Variants in XIRP1 observed in about 807,000 individuals in gnomAD.
The protein encoded by XIRP1 is xin actin binding repeat containing 1.
For missense variants in XIRP1, 2,378 were observed against 2,345.4 expected (o/e 1.01, Z -0.29); for synonymous variants, 984 against 947.0 (o/e 1.04, Z -0.72).
At chr3:39,192,006 G>T (rs1013531654) in intron 1 of XIRP1, among the ~76,000 whole-genome samples, 2 of 152,228 alleles carry the variant, frequency 1.3e-5, no homozygotes, top group Admixed American at 1.3e-4. Context: ...TAGGCATGGG[G>T]CTTGTTCTAG....
chr3:39,184,905 G>A lies in XIRP1; in HGVS notation c.4541C>T (p.Ala1514Val). 1 of 1,589,874 alleles carries A rather than the reference G, an allele frequency of 6.3e-7. No homozygotes were observed. The highest frequency in any genetic ancestry group is 1.7e-5 in the Admixed American group (1 of 57,698). The change falls in exon 2 of 2, where the codon GCC becomes GTC. Residue 1514 changes from alanine (A) to valine (V), a missense_variant. Ala to Val is a moderately conservative substitution (Grantham distance 64). Transcript: ENST00000340369. The stretch of plus-strand genomic sequence containing the variant: ...CACTGAGGCCTCGGGCTTTTGGTGG[G>A]CAGCAGGAGCCTGAGGAGCAGCCCC... ...LGGAAPQAPA[A>V]HQKPEASVEQ...
At position 39,185,911 on chromosome 3, in the gene XIRP1, G is replaced by A. The variant is rs979897902; in HGVS notation, c.3535C>T (p.Arg1179Cys). The A allele has an allele frequency of 2.5e-5, 40 of 1,613,570 alleles. No individual in the cohort carries two copies. Among genetic ancestry groups the A allele is most frequent in the East Asian group, 6.7e-5 (3 of 44,858 alleles). ...TGACCTGGGCCTCCCTGGAGTGGGC[G>A]GGGAGCCTGGACTGAGAGGGCAGTC... ...RETALSVQAP[R>C]PLQGGPGQST... is the part of the protein sequence containing the mutation. The change falls in exon 2 of 2, where the codon CGC (arginine) becomes TGC (cysteine). Residue 1179 changes from arginine to cysteine, a missense_variant. Physicochemically the swap from Arg to Cys is radical, Grantham distance 180 (BLOSUM62 -3). Coordinates refer to ENST00000340369, the MANE Select transcript of XIRP1 (RefSeq NM_194293.4).
Position 39,185,945 on chromosome 3 carries a change from C to A in XIRP1, c.3501G>T (p.Arg1167Ser). The A allele has an allele frequency of 3.1e-6, 5 of 1,614,050 alleles. No homozygotes were observed. The highest frequency in any genetic ancestry group is 4.2e-6 in the Non-Finnish European group (5 of 1,179,952). The change falls in exon 2 of 2, where the codon AGG becomes AGT. Residue 1167 changes from arginine to serine, a missense_variant. Transcript: ENST00000340369. Reference sequence around the variant, plus strand: ...GGACTGAGAGGGCAGTCTCCCTGTGCCTTGACTGGGGTTCCCTCTGAGAAA... The same window carrying A: ...GGACTGAGAGGGCAGTCTCCCTGTGACTTGACTGGGGTTCCCTCTGAGAAA... ...VQLSQREPQS[R>S]HRETALSVQA...
chr3:39,186,494 A>C lies in XIRP1; in HGVS notation c.2952T>G (p.His984Gln), dbSNP rs201757229. ...AAGGGGTGGCCCCTGAGGCTCTCAGATGCCCCATCCCCATGCTGGGGTCCA... is the reference window on the plus strand; with the variant it reads ...AAGGGGTGGCCCCTGAGGCTCTCAGCTGCCCCATCCCCATGCTGGGGTCCA... ...PPLDPSMGMGHLRASGATPCP... is the reference protein window; with the variant it reads ...PPLDPSMGMGQLRASGATPCP... The change falls in exon 2 of 2, where the codon CAT becomes CAG. Residue 984 changes from histidine (H) to glutamine (Q), a missense_variant. His to Gln is a conservative substitution (Grantham distance 24). Transcript: ENST00000340369. 4 of 1,613,636 alleles carry C rather than the reference A, an allele frequency of 2.5e-6. No individual in the cohort carries two copies. The East Asian group carries it at 8.9e-5, about 36-fold the overall frequency.
Position 39,186,564 on chromosome 3 carries a change from GC to G in XIRP1, c.2881del (p.Ala961ProfsTer25). The G allele has an allele frequency of 1.2e-6, 2 of 1,611,264 alleles. No homozygotes were observed. The highest frequency in any genetic ancestry group is 1.7e-6 in the Non-Finnish European group (2 of 1,178,382). ...GCTCTCAGTTGGGTGCAGGCTCTGG[GC>G]CCCCTCGCTGGCTGGCACTGGACTC... ...DPSPVPASEG[A>X]QSLHPTESII... On this transcript the variant is annotated frameshift_variant, in exon 2 of 2. Transcript: ENST00000340369. LOFTEE classifies it low-confidence loss of function (END_TRUNC).
In XIRP1 at chr3:39,184,957, G is replaced by T; in HGVS notation, c.4489C>A (p.Leu1497Ile). Residue 1497 changes from leucine (L) to isoleucine (I), a missense_variant, in exon 2 of 2, where the codon CTC (leucine) becomes ATC (isoleucine). Coordinates refer to ENST00000340369, the MANE Select transcript of XIRP1 (RefSeq NM_194293.4). ...SSVDVQALRR[L>I]FEAVPQLGGA... ...CCCAGCTGGGGCACGGCCTCAAAGAGCCTCCGCAGGGCCTGCACGTCCACA... is the reference window on the plus strand; with the variant it reads ...CCCAGCTGGGGCACGGCCTCAAAGATCCTCCGCAGGGCCTGCACGTCCACA... The T allele has an allele frequency of 1.3e-6, 2 of 1,549,344 alleles. No homozygotes were observed. The highest frequency in any genetic ancestry group is 2.0e-5 in the Admixed American group (1 of 50,286).
rs1257103439 is a variant in XIRP1 at position 39,187,823 on chromosome 3, T to G, written c.1623A>C (p.Glu541Asp). The G allele has an allele frequency of 6.2e-7, 1 of 1,613,992 alleles. No individual in the cohort carries two copies. The highest frequency in any genetic ancestry group is 1.7e-5 in the Admixed American group (1 of 59,994). Reference protein sequence around the residue: ...IDVVRGITRQEVVAGDVGTAR... With the variant: ...IDVVRGITRQDVVAGDVGTAR... ...CTGTGCCAACGTCCCCAGCCACCACTTCCTGCCGGGTGATGCCCCGCACCA... is the reference window on the plus strand; with the variant it reads ...CTGTGCCAACGTCCCCAGCCACCACGTCCTGCCGGGTGATGCCCCGCACCA... Residue 541 changes from glutamate (E) to aspartate (D), a missense_variant, in exon 2 of 2, where the codon GAA (glutamate) becomes GAC (aspartate). Physicochemically the swap from Glu to Asp is conservative, Grantham distance 45. Transcript: ENST00000340369.
chr3:39,191,843 CT>C (rs2125905202), intron 1 of XIRP1, among the ~76,000 whole-genome samples: 1 of 152,342 alleles, frequency 6.6e-6, no homozygotes, highest in Admixed American at 6.5e-5. Context: ...CAAATCTGCC[CT>C]GGGGGCTTTC....
chr3:39,188,160 G>A lies in XIRP1; in HGVS notation c.1286C>T (p.Pro429Leu), dbSNP rs1411133357. 1 of 1,614,030 alleles carries A rather than the reference G, an allele frequency of 6.2e-7. No individual in the cohort carries two copies. Among genetic ancestry groups the A allele is most frequent in the African/African-American group, 1.3e-5 (1 of 74,920 alleles). ...SSALPFSQSA[P>L]QRDELKGDVK... is the part of the protein sequence containing the mutation. The stretch of plus-strand genomic sequence containing the variant: ...ATCCCCCTTTAGCTCATCCCTCTGG[G>A]GGGCACTCTGAGAGAAGGGCAGTGC... The change falls in exon 2 of 2, where the codon CCC (proline) becomes CTC (leucine). Residue 429 changes from proline (P) to leucine (L), a missense_variant. Physicochemically the swap from Pro to Leu is moderately conservative, Grantham distance 98. Transcript: ENST00000340369.
In XIRP1 at chr3:39,183,529, A is replaced by G. The variant is rs2039901612; in HGVS notation, c.*385T>C. ...GGGAACACTCAGACTAATTAAAGAA[A>G]TAAAAACTCTGGGTAGAGGGACACT... is the stretch of plus-strand genomic sequence containing the variant. On this transcript the variant is annotated 3_prime_UTR_variant, in exon 2 of 2. Coordinates refer to ENST00000340369, the MANE Select transcript of XIRP1 (RefSeq NM_194293.4). 3 of 192,328 alleles carry G rather than the reference A, an allele frequency of 1.6e-5. No individual in the cohort carries two copies. Among genetic ancestry groups the G allele is most frequent in the Non-Finnish European group, 2.1e-5 (2 of 93,630 alleles). The allele number at this position is 192,328 out of a possible 1,614,324, so 11.9% of individuals were successfully genotyped here.
rs866461525 is a variant in XIRP1, at chr3:39,184,962, C to T, written c.4484G>A (p.Arg1495Gln). 2.1e-5 allele frequency: 33 copies of T among 1,543,620 alleles called. No homozygotes were observed. Among genetic ancestry groups the T allele is most frequent in the Middle Eastern group, 1.7e-4 (1 of 5,720 alleles). ...AASSVDVQAL[R>Q]RLFEAVPQLG... ...CTGGGGCACGGCCTCAAAGAGCCTC[C>T]GCAGGGCCTGCACGTCCACACTGCT... Residue 1495 changes from arginine to glutamine, a missense_variant, in exon 2 of 2, where the codon CGG becomes CAG. Coordinates refer to ENST00000340369, the MANE Select transcript of XIRP1 (RefSeq NM_194293.4).
Position 39,188,271 on chromosome 3 carries a change from G to A in XIRP1, c.1175C>T (p.Ala392Val). Residue 392 changes from alanine to valine, a missense_variant, in exon 2 of 2, where the codon GCT becomes GTT. Ala to Val is a moderately conservative substitution (Grantham distance 64). Coordinates refer to ENST00000340369, the MANE Select transcript of XIRP1 (RefSeq NM_194293.4). The stretch of plus-strand genomic sequence containing the variant: ...ACCCACTTGGACCTTGTCTCTGAAA[G>A]CATCCAGGGGCTTTGTTTCAAATAG... ...LWLFETKPLD[A>V]FRDKVQVGHL... 2 of 1,614,156 alleles carry A rather than the reference G, an allele frequency of 1.2e-6. No homozygotes were observed. Among genetic ancestry groups the A allele is most frequent in the Non-Finnish European group, 8.5e-7 (1 of 1,180,030 alleles).
rs1233698727 is a variant in XIRP1 at position 39,186,078 on chromosome 3, T to G, written c.3368A>C (p.Glu1123Ala). 1 of 1,613,984 alleles carries G rather than the reference T, an allele frequency of 6.2e-7. No individual in the cohort carries two copies. The highest frequency in any genetic ancestry group is 1.3e-5 in the African/African-American group (1 of 74,926). ...CAGCCCTCTGGGTAGTGCTTGCTCT[T>G]CCCTACTGACCTTTCTGGGGGCTGC... ...IPAAPRKVSR[E>A]EQALPRGLPG... Residue 1123 changes from glutamate to alanine, a missense_variant, in exon 2 of 2, where the codon GAA becomes GCA. Coordinates refer to ENST00000340369, the MANE Select transcript of XIRP1 (RefSeq NM_194293.4).
At position 39,188,965 on chromosome 3, in the gene XIRP1, CA is replaced by C; in HGVS notation, c.480del (p.Phe160LeufsTer9). ...GGDVRAARWL[F>X]ETKPLDELTG... ...GTCAGCTCGTCCAGTGGCTTTGTCTCAAATAGCCAGCGGGCTGCACGAACGT... is the reference window on the plus strand; with the variant it reads ...GTCAGCTCGTCCAGTGGCTTTGTCTCAATAGCCAGCGGGCTGCACGAACGT... On this transcript the variant is annotated frameshift_variant, in exon 2 of 2. Transcript: ENST00000340369. LOFTEE classifies it low-confidence loss of function (END_TRUNC). The C allele has an allele frequency of 6.2e-7, 1 of 1,613,854 alleles. No homozygotes were observed. The highest frequency in any genetic ancestry group is 8.5e-7 in the Non-Finnish European group (1 of 1,180,034).
In XIRP1 at chr3:39,189,103, T is replaced by C; in HGVS notation, c.343A>G (p.Lys115Glu). 1 of 1,614,188 alleles carries C rather than the reference T, an allele frequency of 6.2e-7. No individual in the cohort carries two copies. Among genetic ancestry groups the C allele is most frequent in the Non-Finnish European group, 8.5e-7 (1 of 1,180,048 alleles). ...ACGTCACCACACAGCACGGGCTCCTTGGCAGCTGGCCTCTCGTGTTCTCCA... is the reference window on the plus strand; with the variant it reads ...ACGTCACCACACAGCACGGGCTCCTCGGCAGCTGGCCTCTCGTGTTCTCCA... ...AIGEHERPAAKEPVLCGDVQA... is the reference protein window; with the variant it reads ...AIGEHERPAAEEPVLCGDVQA... Residue 115 changes from lysine (K) to glutamate (E), a missense_variant, in exon 2 of 2, where the codon AAG becomes GAG. Transcript: ENST00000340369.
At position 39,187,645 on chromosome 3, in the gene XIRP1, A is replaced by T. The variant is rs764364118; in HGVS notation, c.1801T>A (p.Cys601Ser). The T allele has an allele frequency of 1.6e-5, 26 of 1,614,094 alleles. No individual in the cohort carries two copies. In the South Asian group the frequency reaches 2.7e-4, roughly 17 times the overall value. Reference sequence around the variant, plus strand: ...TTTTCGGCCAACTCACTCATTGGGCAAGTCTCGAACAACCACCGGATGGTC... The same window carrying T: ...TTTTCGGCCAACTCACTCATTGGGCTAGTCTCGAACAACCACCGGATGGTC... ...VQTIRWLFET[C>S]PMSELAEKQG... Residue 601 changes from cysteine (C) to serine (S), a missense_variant, in exon 2 of 2, where the codon TGC (cysteine) becomes AGC (serine). Cys to Ser is a moderately radical substitution (Grantham distance 112, BLOSUM62 -1). Coordinates refer to ENST00000340369, the MANE Select transcript of XIRP1 (RefSeq NM_194293.4).
chr3:39,188,350 C>A lies in XIRP1; in HGVS notation c.1096G>T (p.Glu366Ter). ...TLKGDEEAGA[E>*]APPKEEVVPG... is the part of the protein sequence containing the mutation. ...ACCACTTCCTCCTTGGGTGGGGCCT[C>A]TGCTCCAGCCTCTTCGTCCCCCTTC... is the stretch of plus-strand genomic sequence containing the variant. Residue 366 changes from glutamate (E) to a stop codon, truncating the protein, a stop_gained, in exon 2 of 2, where the codon GAG becomes TAG. Transcript: ENST00000340369. LOFTEE classifies it low-confidence loss of function (END_TRUNC). 1 of 1,614,162 alleles carries A rather than the reference C, an allele frequency of 6.2e-7. No individual in the cohort carries two copies.
At position 39,183,766 on chromosome 3, in the gene XIRP1, T is replaced by C; in HGVS notation, c.*148A>G. On this transcript the variant is annotated 3_prime_UTR_variant, in exon 2 of 2. Transcript: ENST00000340369. ...GAAGAACTGGGCCTATTGAAAGAAC[T>C]GCGAAAGGGAAATGGCCCACAGTAA... is the stretch of plus-strand genomic sequence containing the variant. The C allele has an allele frequency of 2.3e-6, 3 of 1,294,070 alleles. No homozygotes were observed. The highest frequency in any genetic ancestry group is 3.1e-6 in the Non-Finnish European group (3 of 973,012). The allele number at this position is 1,294,070 out of a possible 1,614,324, so 80.2% of individuals were successfully genotyped here. A position where few individuals can be genotyped will look rare whatever the true frequency, so the allele number is the denominator to read the frequency against.
intron 1 of XIRP1, 123 bp from the exon 2 acceptor site, chr3:39,189,648 G>C (rs2040060265): frequency 1.4e-6 from 1 of 716,980 alleles, no homozygotes; most frequent in Admixed American, 3.2e-5. Context: ...TGCATGGTTC[G>C]TGGGCAACAG....
Sources: gnomAD v4.1 joint callset for allele counts (sites outside exome capture counted in the v4.1 genomes callset) on GRCh38, gnomAD v4.1.1 for gene constraint, MANE v1.5 for transcripts, NCBI Gene and HGNC (gene_info 2026-07-23, HGNC 2026-07-21) for gene names.